Variants in GOSR1 observed in about 807,000 individuals in gnomAD.
The protein encoded by GOSR1 is 28 kDa Golgi SNARE protein.
A neutral mutation model predicts 35.5 loss-of-function variants in GOSR1; 21 were observed. That is an observed-to-expected ratio of 0.59 (90% CI 0.42 to 0.85). The LOEUF (loss-of-function observed/expected upper bound fraction) is 0.85, where lower values mean the gene tolerates loss of function less well. Ranked by LOEUF, GOSR1 falls within the 40% of genes least tolerant of loss-of-function variation. The pLI is 0.00. For missense variants in GOSR1, 285 were observed against 309.6 expected (o/e 0.92, Z 0.60); for synonymous variants, 94 against 106.6 (o/e 0.88, Z 0.73).
At chr17:30,519,837 G>A (rs1007604296) in intron 7 of GOSR1, 102 bp from the exon 8 acceptor site, 1 of 711,664 alleles carries the variant, frequency 1.4e-6, no homozygotes, top group Non-Finnish European at 2.4e-6. Flanking sequence ...TGCTTTCTAA[G>A]ATGATGTTGC....
chr17:30,518,450 AAATAG>A (rs1446861899), intron 7 of GOSR1, among the ~76,000 whole-genome samples: 1 of 152,128 alleles, frequency 6.6e-6, no homozygotes, highest in Non-Finnish European at 1.5e-5. Context: ...AAAAAAAAAA[AAATAG>A]ATATTTTCAA....
chr17:30,478,620 G>A (rs1274669060), intron 1 of GOSR1: 1 of 143,108 alleles, frequency 7.0e-6, no homozygotes, highest in East Asian at 2.0e-4. Context: ...TGGCGCTATC[G>A]ATCTCGGCTC....
At chr17:30,486,849 T>G (rs1292507007) in intron 4 of GOSR1, among the ~76,000 whole-genome samples, 6 of 152,188 alleles carry the variant, frequency 3.9e-5, no homozygotes, top group Non-Finnish European at 8.8e-5. Context: ...AAGGAAAGAA[T>G]CATTCTGTTT....
In GOSR1 at chr17:30,521,167, C is replaced by CTTTTTT. The variant is rs71360748; in HGVS notation, c.623-1063_623-1058dup. Among the ~76,000 whole-genome samples the CTTTTTT allele has an allele frequency of 1.1e-3, 71 of 64,224 alleles. 10 individuals carry two copies. The highest frequency in any genetic ancestry group is 2.4e-3 in the East Asian group (4 of 1,682). The allele number at this position is 64,224 out of a possible 152,430, so 42.1% of individuals were successfully genotyped here. A position where few individuals can be genotyped will look rare whatever the true frequency, so the allele number is the denominator to read the frequency against. ...CATCTCTCCCATAAGTTCTCTCTCT[C>CTTTTTT]TTTTTTTTTTTTTTTTTTTTTTTTT... On this transcript the variant is annotated intron_variant, in intron 8 of 8. Transcript: ENST00000451249.
At chr17:30,481,108 A>G in intron 1 of GOSR1, 35 bp from the exon 2 acceptor site, 1 of 1,415,556 alleles carries the variant, frequency 7.1e-7, no homozygotes, top group Non-Finnish European at 1.0e-6. Flanking sequence ...TCTACTTTTT[A>G]TGTCTAATTA....
chr17:30,487,130 T>A (rs148801993), intron 4 of GOSR1, among the ~76,000 whole-genome samples: 117 of 152,256 alleles, frequency 7.7e-4, no homozygotes, highest in African/African-American at 2.7e-3. Context: ...ATAAAAACAA[T>A]TAAACAGAGT....
At chr17:30,520,644 G>C (rs115840013) in intron 8 of GOSR1, among the ~76,000 whole-genome samples, 1 of 152,290 alleles carries the variant, frequency 6.6e-6, no homozygotes, top group African/African-American at 2.4e-5. Flanking sequence ...TTCATTCAGC[G>C]AACCTCTGAA....
intron 1 of GOSR1, chr17:30,478,888 C>T (rs1730211882): frequency 6.6e-6 from 1 of 152,196 alleles, no homozygotes; most frequent in Admixed American, 6.5e-5. Flanking sequence ...GTAGAAGAGG[C>T]TACTGATATC....
In GOSR1 at chr17:30,477,544, C is replaced by T. The variant is rs959168049; in HGVS notation, c.31+80C>T. On this transcript the variant is annotated intron_variant, in intron 1 of 8. Coordinates refer to ENST00000451249, the MANE Select transcript of GOSR1 (RefSeq NM_001007025.2). Reference sequence around the variant, plus strand: ...AGGACAGATCTTGGGAGAAGCAGCACAGGAAAGAACCAGACTCCCGGAGCG... The same window carrying T: ...AGGACAGATCTTGGGAGAAGCAGCATAGGAAAGAACCAGACTCCCGGAGCG... The T allele has an allele frequency of 1.8e-5, 27 of 1,501,176 alleles. No individual in the cohort carries two copies. The Admixed American group carries it at 4.1e-4, about 23-fold the overall frequency. 93.0% of individuals were successfully genotyped at this position (1,501,176 alleles called of 1,614,324 possible).
chr17:30,527,400 T>A lies in GOSR1; in HGVS notation c.*5022T>A, dbSNP rs1567924688. 1 of 152,222 alleles carries A rather than the reference T, an allele frequency of 6.6e-6. No individual in the cohort carries two copies. The highest frequency in any genetic ancestry group is 1.5e-5 in the Non-Finnish European group (1 of 68,040). 9.4% of individuals were successfully genotyped at this position (152,222 alleles called of 1,614,324 possible). On this transcript the variant is annotated 3_prime_UTR_variant, in exon 9 of 9. Transcript: ENST00000451249. Reference sequence around the variant, plus strand: ...CGTGTACTGCTGGGCTTTAGTACATTAGTTGTGCAACCAGCCCCACTGTCT... The same window carrying A: ...CGTGTACTGCTGGGCTTTAGTACATAAGTTGTGCAACCAGCCCCACTGTCT...
At chr17:30,494,808 C>G (rs7218912) in intron 6 of GOSR1, among the ~76,000 whole-genome samples, 21 of 151,482 alleles carry the variant, frequency 1.4e-4, no homozygotes, top group East Asian at 5.9e-4. Context: ...GGGTTTCACT[C>G]TGTTGGCCAG....
At chr17:30,499,554 G>A (rs913054919) in intron 6 of GOSR1, among the ~76,000 whole-genome samples, 1 of 152,140 alleles carries the variant, frequency 6.6e-6, no homozygotes, top group Admixed American at 6.5e-5. Context: ...TGTTAGCCAG[G>A]ATGGTCTTGA....
rs1968185114 is a variant in GOSR1, at chr17:30,526,511, C to G, written c.*4133C>G. On this transcript the variant is annotated 3_prime_UTR_variant, in exon 9 of 9. Coordinates refer to ENST00000451249, the MANE Select transcript of GOSR1 (RefSeq NM_001007025.2). ...AAAAATTAAAAGATACCTGAGAGCTCACTTTAATATCAAGGTATTTGCATC... is the reference window on the plus strand; with the variant it reads ...AAAAATTAAAAGATACCTGAGAGCTGACTTTAATATCAAGGTATTTGCATC... 6.6e-6 allele frequency: 1 copy of G among 152,512 alleles called. No individual in the cohort carries two copies. The highest frequency in any genetic ancestry group is 1.5e-5 in the Non-Finnish European group (1 of 68,024). 9.4% of individuals were successfully genotyped at this position (152,512 alleles called of 1,614,324 possible). A position where few individuals can be genotyped will look rare whatever the true frequency, so the allele number is the denominator to read the frequency against.
chr17:30,511,842 C>G (rs1420777644), intron 7 of GOSR1, among the ~76,000 whole-genome samples: 1 of 152,146 alleles, frequency 6.6e-6, no homozygotes, highest in Non-Finnish European at 1.5e-5. Context: ...CATTTGTATT[C>G]TTACCATGGA....
chr17:30,492,612 T>C, intron 5 of GOSR1, 67 bp from the exon 6 acceptor site: 1 of 877,806 alleles, frequency 1.1e-6, no homozygotes, highest in Non-Finnish European at 1.9e-6. Flanking sequence ...TCAAGATCAC[T>C]AGGGTCAGTC....
chr17:30,485,323 G>C (rs1009893927), intron 4 of GOSR1, among the ~76,000 whole-genome samples: 1 of 151,188 alleles, frequency 6.6e-6, no homozygotes, highest in African/African-American at 2.4e-5. Context: ...CTGGAGTGCA[G>C]TAGTACAGTC....
At chr17:30,510,102 G>C (rs995268560) in intron 6 of GOSR1, among the ~76,000 whole-genome samples, 39 of 152,102 alleles carry the variant, frequency 2.6e-4, no homozygotes, top group African/African-American at 9.2e-4. Context: ...ACAGAGTCTT[G>C]CTCTATGGCC....
chr17:30,522,438 A>G lies in GOSR1; in HGVS notation c.*60A>G. On this transcript the variant is annotated 3_prime_UTR_variant, in exon 9 of 9. Coordinates refer to ENST00000451249, the MANE Select transcript of GOSR1 (RefSeq NM_001007025.2). ...TTTCACACCCTGGTCTGGAATAAGGAAACATCGGAGGGAGAAGTTGACTGT... is the reference window on the plus strand; with the variant it reads ...TTTCACACCCTGGTCTGGAATAAGGGAACATCGGAGGGAGAAGTTGACTGT... 1 of 1,406,948 alleles carries G rather than the reference A, an allele frequency of 7.1e-7. No individual in the cohort carries two copies. The highest frequency in any genetic ancestry group is 2.2e-4 in the Middle Eastern group (1 of 4,602). 87.2% of individuals were successfully genotyped at this position (1,406,948 alleles called of 1,614,324 possible).
intron 6 of GOSR1, among the ~76,000 whole-genome samples, chr17:30,494,832 T>C (rs989510794): frequency 2.0e-5 from 3 of 151,744 alleles, no homozygotes; most frequent in Admixed American, 2.0e-4. Flanking sequence ...GGTCTTGAAC[T>C]CCTAACTTCA....
Sources: gnomAD v4.1 joint callset for allele counts (sites outside exome capture counted in the v4.1 genomes callset) on GRCh38, gnomAD v4.1.1 for gene constraint, MANE v1.5 for transcripts, NCBI Gene and HGNC (gene_info 2026-07-23, HGNC 2026-07-21) for gene names.